The following GABRB2 variants were observed in gnomAD, a reference collection of about 807,000 sequenced individuals.
The protein encoded by GABRB2 is gamma-aminobutyric acid type A receptor subunit beta2, also known as gamma-aminobutyric acid receptor subunit beta-2.
A neutral mutation model predicts 54.7 loss-of-function variants in GABRB2; 16 were observed. The ratio of observed to expected loss-of-function variants is 0.29; its 90% CI spans 0.20 to 0.44. The LOEUF (loss-of-function observed/expected upper bound fraction) is 0.44. GABRB2 is among the 20% of genes least tolerant of loss of function. The pLI is 1.00. For synonymous variants in GABRB2, 244 were observed against 233.8 expected (o/e 1.04, Z -0.40); for missense variants, 355 against 644.0 (o/e 0.55, Z 4.86).
chr5:161,380,791 G>A (rs1364056374), intron 5 of GABRB2, among the ~76,000 whole-genome samples: 1 of 152,050 alleles, frequency 6.6e-6, no homozygotes, highest in Non-Finnish European at 1.5e-5. Flanking sequence ...ACTGTATAGT[G>A]AGGTGGAAAT....
intron 3 of GABRB2, among the ~76,000 whole-genome samples, chr5:161,473,903 T>C (rs1379517132): frequency 1.3e-5 from 2 of 151,980 alleles, no homozygotes; most frequent in Non-Finnish European, 2.9e-5. Context: ...CCAGAACCCC[T>C]GTTTTCACCA....
intron 5 of GABRB2, among the ~76,000 whole-genome samples, chr5:161,392,472 C>T (rs1477124430): frequency 6.6e-6 from 1 of 152,106 alleles, no homozygotes; most frequent in Non-Finnish European, 1.5e-5. Context: ...TATCATGACC[C>T]CAAATCAATG....
At chr5:161,316,230 T>G (rs1758024075) in intron 9 of GABRB2, among the ~76,000 whole-genome samples, 1 of 152,128 alleles carries the variant, frequency 6.6e-6, no homozygotes, top group South Asian at 2.1e-4. Flanking sequence ...CTCCTCAGAG[T>G]TGAGACCTGA....
chr5:161,300,928 T>C lies in GABRB2; in HGVS notation c.1192-6500A>G, dbSNP rs1210325680. On this transcript the variant is annotated intron_variant, in intron 9 of 9. Transcript: ENST00000393959. Reference sequence around the variant, plus strand: ...CAGCTTTCATAGACAGAGAACAACATATGCAGCTTCCATTTATTGAGTATT... The same window carrying C: ...CAGCTTTCATAGACAGAGAACAACACATGCAGCTTCCATTTATTGAGTATT... 2.0e-5 allele frequency among the ~76,000 whole-genome samples: 3 copies of C among 152,170 alleles called. 1 individual carries two copies. Among genetic ancestry groups the C allele is most frequent in the Admixed American group, 2.0e-4 (3 of 15,278 alleles).
At chr5:161,335,698 C>A (rs956414750) in intron 6 of GABRB2, among the ~76,000 whole-genome samples, 3 of 152,052 alleles carry the variant, frequency 2.0e-5, no homozygotes, top group African/African-American at 7.2e-5. Context: ...TGTCTGAATA[C>A]GATAGTAAGA....
At position 161,477,056 on chromosome 5, in the gene GABRB2, T is replaced by C. The variant is rs533049359; in HGVS notation, c.238-17212A>G. Among the ~76,000 whole-genome samples the C allele has an allele frequency of 6.1e-4, 92 of 151,960 alleles. 1 individual carries two copies. Among genetic ancestry groups the C allele is most frequent in the Non-Finnish European group, 4.7e-4 (32 of 67,850 alleles). The stretch of plus-strand genomic sequence containing the variant: ...TGAGAAGGTATTAATATACAGGATA[T>C]ATTTTTAAAAACTCCTACAACTCAT... On this transcript the variant is annotated intron_variant, in intron 3 of 9. Coordinates refer to ENST00000393959, the MANE Select transcript of GABRB2 (RefSeq NM_001371727.1).
At chr5:161,313,569 G>A (rs1202791069) in intron 9 of GABRB2, among the ~76,000 whole-genome samples, 2 of 150,658 alleles carry the variant, frequency 1.3e-5, no homozygotes, top group Non-Finnish European at 2.9e-5. Context: ...GAGAGCCAAT[G>A]CTACTGAATT....
chr5:161,297,581 C>T (rs1757418635), intron 9 of GABRB2, among the ~76,000 whole-genome samples: 1 of 152,098 alleles, frequency 6.6e-6, no homozygotes, highest in Non-Finnish European at 1.5e-5. Context: ...TGGTTTCCAG[C>T]TTCATCCATG....
At chr5:161,513,748 T>C (rs1166010154) in intron 3 of GABRB2, among the ~76,000 whole-genome samples, 1 of 152,044 alleles carries the variant, frequency 6.6e-6, no homozygotes. Flanking sequence ...AGTATATCTG[T>C]AATAAACCTG....
intron 2 of GABRB2, 128 bp from the exon 3 acceptor site, chr5:161,545,422 C>T: frequency 1.0e-5 from 4 of 393,890 alleles, no homozygotes; most frequent in Admixed American, 1.2e-4. Context: ...TTTTTCAATT[C>T]TCTGCTTTTT....
At chr5:161,482,675 TTATCCAAAGA>T (rs1758797222) in intron 3 of GABRB2, among the ~76,000 whole-genome samples, 2 of 152,110 alleles carry the variant, frequency 1.3e-5, no homozygotes, top group Admixed American at 1.3e-4. Flanking sequence ...CATGTCATAG[TTATCCAAAGA>T]TGCCCCTATG....
At chr5:161,313,164 G>A (rs1039529305) in intron 9 of GABRB2, among the ~76,000 whole-genome samples, 2 of 152,158 alleles carry the variant, frequency 1.3e-5, no homozygotes, top group African/African-American at 2.4e-5. Flanking sequence ...GAATGAGCCC[G>A]CGATACTGGA....
chr5:161,478,605 A>T (rs1758663414), intron 3 of GABRB2, among the ~76,000 whole-genome samples: 1 of 152,042 alleles, frequency 6.6e-6, no homozygotes, highest in East Asian at 1.9e-4. Context: ...GAAAAGAATA[A>T]CCTTGAAAGA....
intron 4 of GABRB2, among the ~76,000 whole-genome samples, chr5:161,413,835 C>T (rs757840953): frequency 1.3e-5 from 2 of 152,006 alleles, no homozygotes; most frequent in Admixed American, 6.6e-5. Flanking sequence ...AGTATAGAAG[C>T]CTTGATTGTG....
At chr5:161,536,451 A>G (rs568348176) in intron 3 of GABRB2, among the ~76,000 whole-genome samples, 6 of 152,262 alleles carry the variant, frequency 3.9e-5, no homozygotes, top group African/African-American at 1.4e-4. Flanking sequence ...TCATTCACCT[A>G]TTTTCACAGC....
In GABRB2 at chr5:161,546,551, C is replaced by A. The variant is rs778830538; in HGVS notation, c.77+16G>T. 224 of 1,590,172 alleles carry A rather than the reference C, an allele frequency of 1.4e-4. 1 individual carries two copies. The South Asian group carries it at 2.4e-3, about 17-fold the overall frequency. On this transcript the variant is annotated intron_variant, in intron 1 of 9. Transcript: ENST00000393959. ...TCAAAGTGAGAACGGAAAAGAGAAA[C>A]GCTGGGCACACTTACCTCTGCGCAC...
At chr5:161,487,995 T>C (rs11135150) in intron 3 of GABRB2, among the ~76,000 whole-genome samples, 31,324 of 151,762 alleles carry the variant, frequency 0.21, 3,658 homozygotes, top group Non-Finnish European at 0.27. Flanking sequence ...ACAGAGTTTG[T>C]CCATCTCTAT....
Position 161,334,921 on chromosome 5 carries a change from A to C in GABRB2, c.680-17T>G. On this transcript the variant is annotated splice_polypyrimidine_tract_variant and intron_variant, in intron 6 of 9. Coordinates refer to ENST00000393959, the MANE Select transcript of GABRB2 (RefSeq NM_001371727.1). Reference sequence around the variant, plus strand: ...GATAGGAACCTAGAAAGGCAATTTTAGAACATCATCATTATCAATCAATAT... The same window carrying C: ...GATAGGAACCTAGAAAGGCAATTTTCGAACATCATCATTATCAATCAATAT... 1 of 1,612,206 alleles carries C rather than the reference A, an allele frequency of 6.2e-7. No homozygotes were observed. The highest frequency in any genetic ancestry group is 8.5e-7 in the Non-Finnish European group (1 of 1,178,500).
chr5:161,336,720 A>T lies in GABRB2; in HGVS notation c.591T>A (p.Asn197Lys), dbSNP rs1426438345. 3 of 1,613,182 alleles carry T rather than the reference A, an allele frequency of 1.9e-6. No individual in the cohort carries two copies. In the African/African-American group the frequency reaches 4.0e-5, roughly 22 times the overall value. The change falls in exon 6 of 10, where the codon AAT becomes AAA. Residue 197 changes from asparagine (N) to lysine (K), a missense_variant. Coordinates refer to ENST00000393959, the MANE Select transcript of GABRB2 (RefSeq NM_001371727.1). ...CAATTTTCGTTACTCCTGTTACTGC[A>T]TTATCATCGCCACGCCAGTAAAACT... ...DIEFYWRGDDNAVTGVTKIEL... is the reference protein window; with the variant it reads ...DIEFYWRGDDKAVTGVTKIEL...
Sources: gnomAD v4.1 joint callset for allele counts (sites outside exome capture counted in the v4.1 genomes callset) on GRCh38, gnomAD v4.1.1 for gene constraint, MANE v1.5 for transcripts, NCBI Gene and HGNC (gene_info 2026-07-23, HGNC 2026-07-21) for gene names.